The following NBEA variants were observed in gnomAD, a reference collection of about 807,000 sequenced individuals.
The protein encoded by NBEA is lysosomal-trafficking regulator 2.
NBEA carries 44 observed loss-of-function variants against 343.4 expected under a neutral mutation model. That is an observed-to-expected ratio of 0.13 (90% confidence interval 0.10 to 0.16). The LOEUF is 0.16. NBEA is among the 10% of genes least tolerant of loss of function. NBEA has a pLI of 1.00. For synonymous variants in NBEA, 1,175 were observed against 1,238.7 expected (o/e 0.95, Z 1.08); for missense variants, 2,555 against 3,631.3 (o/e 0.70, Z 7.62).
chr13:35,369,161 T>TTTC (rs1453063376), intron 38 of NBEA, among the ~76,000 whole-genome samples: 12 of 150,608 alleles, frequency 8.0e-5, no homozygotes, highest in African/African-American at 2.4e-4. Context: ...GCACCATTTT[T>TTTC]TTTTTTTTTT....
At chr13:35,583,597 C>T (rs376772510) in intron 45 of NBEA, among the ~76,000 whole-genome samples, 5 of 152,082 alleles carry the variant, frequency 3.3e-5, no homozygotes, top group Non-Finnish European at 7.4e-5. Context: ...AGGAAAATAA[C>T]GAAACTGTTG....
chr13:35,449,083 T>C (rs2046178099), intron 39 of NBEA, among the ~76,000 whole-genome samples: 1 of 152,154 alleles, frequency 6.6e-6, no homozygotes, highest in South Asian at 2.1e-4. Flanking sequence ...AAGCTATAAG[T>C]GGTCCAATAT....
intron 38 of NBEA, among the ~76,000 whole-genome samples, chr13:35,388,795 T>C (rs570193675): frequency 2.6e-5 from 4 of 152,296 alleles, no homozygotes; most frequent in Admixed American, 2.0e-4. Flanking sequence ...TAAAATGTAG[T>C]TGTTTCTGCC....
chr13:35,162,086 C>A (rs1410849306), intron 23 of NBEA, 119 bp downstream of exon 23: 3 of 762,664 alleles, frequency 3.9e-6, no homozygotes, highest in African/African-American at 3.5e-5. Context: ...CCACATTTTT[C>A]TTGTATCTTG....
chr13:35,133,685 T>G (rs1220245157), intron 17 of NBEA, among the ~76,000 whole-genome samples: 9 of 152,060 alleles, frequency 5.9e-5, no homozygotes, highest in Admixed American at 4.6e-4. Context: ...TAAAGCAAGT[T>G]GCAGAAGGAT....
intron 17 of NBEA, among the ~76,000 whole-genome samples, chr13:35,131,440 G>C (rs1228004657): frequency 3.9e-5 from 6 of 152,188 alleles, no homozygotes; most frequent in Non-Finnish European, 8.8e-5. Context: ...ATTAACAAAG[G>C]AGAATAGCTA....
chr13:35,269,243 C>T (rs536152613), intron 34 of NBEA, among the ~76,000 whole-genome samples: 2 of 151,980 alleles, frequency 1.3e-5, no homozygotes, highest in African/African-American at 4.8e-5. Context: ...CATTTTTAGT[C>T]GATGCAGAAA....
intron 1 of NBEA, among the ~76,000 whole-genome samples, chr13:34,944,272 T>A (rs1285810432): frequency 1.3e-5 from 2 of 152,194 alleles, no homozygotes; most frequent in African/African-American, 4.8e-5. Context: ...CATGCAGTCA[T>A]TTTTCAGCTA....
chr13:35,584,026 G>T lies in NBEA; in HGVS notation c.7164G>T (p.Trp2388Cys). The change falls in exon 46 of 59, where the codon TGG (tryptophan) becomes TGT (cysteine). Residue 2388 changes from tryptophan to cysteine, a missense_variant. Physicochemically the swap from Trp to Cys is radical, Grantham distance 215. Around this residue, in one of 21 missense-constraint regions of NBEA, gnomAD observed 156 missense variants for 185.8 expected, o/e 0.84. Transcript: ENST00000379939. ...HYSTATSTLS[W>C]LVRIEPFTTF... Reference sequence around the variant, plus strand: ...CAACAGCAACATCTACTTTATCCTGGCTTGTTCGAATTGTGAGTATCTTCA... The same window carrying T: ...CAACAGCAACATCTACTTTATCCTGTCTTGTTCGAATTGTGAGTATCTTCA... 1 of 1,613,266 alleles carries T rather than the reference G, an allele frequency of 6.2e-7. No homozygotes were observed. Among genetic ancestry groups the T allele is most frequent in the Non-Finnish European group, 8.5e-7 (1 of 1,179,692 alleles).
At chr13:35,587,617 G>A (rs2081348729) in intron 46 of NBEA, among the ~76,000 whole-genome samples, 2 of 152,088 alleles carry the variant, frequency 1.3e-5, no homozygotes, top group Non-Finnish European at 2.9e-5. Context: ...ACATAAAGTG[G>A]TATTCACTGT....
At chr13:35,074,605 G>C (rs1300999243) in intron 10 of NBEA, among the ~76,000 whole-genome samples, 5 of 152,112 alleles carry the variant, frequency 3.3e-5, no homozygotes, top group Non-Finnish European at 5.9e-5. Context: ...CCGATGTTAG[G>C]TGATGGGATA....
intron 47 of NBEA, among the ~76,000 whole-genome samples, chr13:35,601,113 G>T (rs1016420571): frequency 3.3e-5 from 5 of 151,886 alleles, no homozygotes; most frequent in Non-Finnish European, 5.9e-5. Context: ...GGAGGCAGAG[G>T]TTGTAGTGAG....
chr13:35,029,950 A>AG (rs1209254868), intron 1 of NBEA, among the ~76,000 whole-genome samples: 1 of 151,656 alleles, frequency 6.6e-6, no homozygotes, highest in Non-Finnish European at 1.5e-5. Flanking sequence ...TAACAGCGGT[A>AG]GTACCTTTTA....
Position 35,364,254 on chromosome 13 carries a change from C to T in NBEA, c.6179+11931C>T, listed in dbSNP as rs915632271. 3.3e-5 allele frequency among the ~76,000 whole-genome samples: 5 copies of T among 151,916 alleles called. No homozygotes were observed. The South Asian group carries it at 6.2e-4, about 19-fold the overall frequency. On this transcript the variant is annotated intron_variant, in intron 38 of 58. Coordinates refer to ENST00000379939, the MANE Select transcript of NBEA (RefSeq NM_001385012.1). ...TCTCTGCCTATACAACCCATATACA[C>T]AAATAGTCTATCAGCAAGTCCAACA...
At chr13:35,182,779 T>C (rs1291858029) in intron 29 of NBEA, among the ~76,000 whole-genome samples, 1 of 151,910 alleles carries the variant, frequency 6.6e-6, no homozygotes, top group Non-Finnish European at 1.5e-5. Flanking sequence ...ATACAAATCA[T>C]TAATTTATAC....
At chr13:35,186,357 C>T (rs2071705817) in intron 30 of NBEA, 2 of 152,032 alleles carry the variant, frequency 1.3e-5, no homozygotes, top group South Asian at 4.1e-4. Context: ...TGATTTTGTT[C>T]ATCTTTCAAG....
Position 35,665,154 on chromosome 13 carries a change from C to T in NBEA, c.8432C>T (p.Ala2811Val). Reference sequence around the variant, plus strand: ...GAAGTTGTCTGTGTTTCTGTCTGTGCAGAACTTGGGCTTGTTATCAGTGGT... The same window carrying T: ...GAAGTTGTCTGTGTTTCTGTCTGTGTAGAACTTGGGCTTGTTATCAGTGGT... Reference protein sequence around the residue: ...DHEVVCVSVCAELGLVISGAK... With the variant: ...DHEVVCVSVCVELGLVISGAK... The change falls in exon 56 of 59, where the codon GCA (alanine) becomes GTA (valine). Residue 2811 changes from alanine to valine, a missense_variant. Ala to Val is a moderately conservative substitution (Grantham distance 64). Around this residue, in one of 21 missense-constraint regions of NBEA, gnomAD observed 186 missense variants for 328.9 expected, o/e 0.57. Transcript: ENST00000379939. 6.3e-7 allele frequency: 1 copy of T among 1,592,064 alleles called. No homozygotes were observed. The highest frequency in any genetic ancestry group is 8.6e-7 in the Non-Finnish European group (1 of 1,167,410).
chr13:35,251,394 C>T, intron 34 of NBEA: 1 of 1,044,294 alleles, frequency 9.6e-7, no homozygotes, highest in South Asian at 3.2e-5. Context: ...GGTGTTCTGC[C>T]ATCTGTCACT....
In NBEA at chr13:35,159,754, G is replaced by C; in HGVS notation, c.3583G>C (p.Asp1195His). The C allele has an allele frequency of 6.2e-7, 1 of 1,613,198 alleles. No homozygotes were observed. The highest frequency in any genetic ancestry group is 8.5e-7 in the Non-Finnish European group (1 of 1,179,590). ...GLLAHMTGSV[D>H]LTCTSSIIEE... is the part of the protein sequence containing the mutation. Reference sequence around the variant, plus strand: ...GCTTGCTCACATGACCGGTAGCGTAGACTTAACTTGTACATCCAGTATAAT... The same window carrying C: ...GCTTGCTCACATGACCGGTAGCGTACACTTAACTTGTACATCCAGTATAAT... Residue 1195 changes from aspartate to histidine, a missense_variant, in exon 22 of 59, where the codon GAC becomes CAC. By Grantham distance (81) the Asp-to-His change is moderately conservative (BLOSUM62 -1). Transcript: ENST00000379939.
Sources: allele counts gnomAD v4.1 joint callset (sites outside exome capture counted in the v4.1 genomes callset), GRCh38; gene constraint gnomAD v4.1.1; regional missense constraint gnomAD v4.1.1; transcripts MANE v1.5; gene names NCBI Gene and HGNC (gene_info 2026-07-23, HGNC 2026-07-21).